Variants in FBN2 observed in about 807,000 individuals in gnomAD.
The protein encoded by FBN2 is fibrillin 2, also known as fibrillin-2.
Under a neutral mutation model 355.6 loss-of-function variants are expected in FBN2, and 105 were observed. The observed-to-expected ratio is 0.30, with a 90% CI of 0.25 to 0.35. The LOEUF is 0.35. Ranked by LOEUF, FBN2 falls within the 10% of genes least tolerant of loss-of-function variation. The pLI, the probability that FBN2 is intolerant of heterozygous loss-of-function variation, is 1.00. For missense variants in FBN2, 3,280 were observed against 3,758.7 expected (o/e 0.87, Z 3.33); for synonymous variants, 1,350 against 1,301.2 (o/e 1.04, Z -0.81).
Position 128,309,357 on chromosome 5 carries a change from G to A in FBN2, c.5243C>T (p.Thr1748Ile), listed in dbSNP as rs746036536. Reference sequence around the variant, plus strand: ...ATTGAAAGGCAACTCATTCTCACAAGTGGTTCCATTATAGCTTCGGTAGCA... The same window carrying A: ...ATTGAAAGGCAACTCATTCTCACAAATGGTTCCATTATAGCTTCGGTAGCA... Reference protein sequence around the residue: ...SFCYRSYNGTTCENELPFNVT... With the variant: ...SFCYRSYNGTICENELPFNVT... Residue 1748 changes from threonine (T) to isoleucine (I), a missense_variant, in exon 41 of 65, where the codon ACT becomes ATT. Around this residue, in one of 6 missense-constraint regions of FBN2, gnomAD observed 2,284 missense variants for 2,749.5 expected, o/e 0.83. Transcript: ENST00000262464. 3 of 1,613,984 alleles carry A rather than the reference G, an allele frequency of 1.9e-6. No homozygotes were observed. Among genetic ancestry groups the A allele is most frequent in the Non-Finnish European group, 8.5e-7 (1 of 1,179,886 alleles).
At chr5:128,525,844 A>G (rs985493652) in intron 4 of FBN2, among the ~76,000 whole-genome samples, 1 of 152,184 alleles carries the variant, frequency 6.6e-6, no homozygotes, top group African/African-American at 2.4e-5. Flanking sequence ...GTCACAAGTG[A>G]AAATTGTGTG....
chr5:128,529,670 C>T (rs574192745), intron 3 of FBN2, among the ~76,000 whole-genome samples: 27 of 152,262 alleles, frequency 1.8e-4, no homozygotes, highest in African/African-American at 6.3e-4. Context: ...AAACTAGGAA[C>T]AGGATAATGA....
chr5:128,335,881 T>C, intron 28 of FBN2, 107 bp downstream of exon 28: 2 of 1,228,964 alleles, frequency 1.6e-6, no homozygotes, highest in Non-Finnish European at 2.3e-6. Context: ...CTTACATTCA[T>C]TTTTGGGACA....
At chr5:128,388,795 A>C (rs1378654508) in intron 11 of FBN2, among the ~76,000 whole-genome samples, 1 of 152,010 alleles carries the variant, frequency 6.6e-6, no homozygotes, top group East Asian at 1.9e-4. Flanking sequence ...AACCTTGGAG[A>C]ATCTGATGAT....
At chr5:128,385,255 T>C (rs1287296447) in intron 11 of FBN2, among the ~76,000 whole-genome samples, 1 of 152,146 alleles carries the variant, frequency 6.6e-6, no homozygotes, top group Non-Finnish European at 1.5e-5. Context: ...TGTTCCCTTG[T>C]GTTCACATGT....
In FBN2 at chr5:128,453,999, C is replaced by G. The variant is rs3805660; in HGVS notation, c.827-7393G>C. 2.8e-3 allele frequency among the ~76,000 whole-genome samples: 418 copies of G among 151,476 alleles called. 3 individuals are homozygous for G. The highest frequency in any genetic ancestry group is 9.2e-3 in the African/African-American group (380 of 41,388). ...TACTCAGAAATGGCTTGCCCCCCCCCCAAGTTTCTCCTTCCATTACCCTCT... is the reference window on the plus strand; with the variant it reads ...TACTCAGAAATGGCTTGCCCCCCCCGCAAGTTTCTCCTTCCATTACCCTCT... On this transcript the variant is annotated intron_variant, in intron 6 of 64. Coordinates refer to ENST00000262464, the MANE Select transcript of FBN2 (RefSeq NM_001999.4).
intron 5 of FBN2, among the ~76,000 whole-genome samples, chr5:128,491,498 T>C (rs1755503787): frequency 6.6e-6 from 1 of 152,174 alleles, no homozygotes; most frequent in South Asian, 2.1e-4. Flanking sequence ...ACACAGGAAG[T>C]GGAGCAACAG....
Position 128,274,629 on chromosome 5 carries a change from G to A in FBN2, c.7649C>T (p.Thr2550Ile). 1 of 1,613,518 alleles carries A rather than the reference G, an allele frequency of 6.2e-7. No homozygotes were observed. Among genetic ancestry groups the A allele is most frequent in the Admixed American group, 1.7e-5 (1 of 60,010 alleles). ...ACATTTACAGGTAAACCCCCCCAGG[G>A]TGTTGACACAGAGGAACTGGCAGTT... is the stretch of plus-strand genomic sequence containing the variant. ...QHNCQFLCVNTLGGFTCKCPP... is the reference protein window; with the variant it reads ...QHNCQFLCVNILGGFTCKCPP... Residue 2550 changes from threonine (T) to isoleucine (I), a missense_variant, in exon 60 of 65, where the codon ACC (threonine) becomes ATC (isoleucine). Thr to Ile is a moderately conservative substitution (Grantham distance 89). This residue lies in a region of FBN2 where 2,284 missense variants were observed against 2,749.5 expected (regional missense o/e 0.83). Transcript: ENST00000262464.
At chr5:128,291,123 T>C (rs897141940) in intron 49 of FBN2, among the ~76,000 whole-genome samples, 2 of 152,200 alleles carry the variant, frequency 1.3e-5, no homozygotes, top group Admixed American at 6.5e-5. Flanking sequence ...TCATGCTCAG[T>C]ATCAAAGTGA....
rs1756678272 is a variant in FBN2, at chr5:128,530,697, T to C, written c.338-4A>G. On this transcript the variant is annotated splice_region_variant and splice_polypyrimidine_tract_variant and intron_variant, in intron 2 of 64. Transcript: ENST00000262464. ...CCACAACTATTTCTACAAATCGCTGTAGAAAGCACAATAGGAAAATGAATG... is the reference window on the plus strand; with the variant it reads ...CCACAACTATTTCTACAAATCGCTGCAGAAAGCACAATAGGAAAATGAATG... The C allele has an allele frequency of 6.3e-7, 1 of 1,578,104 alleles. No homozygotes were observed. The highest frequency in any genetic ancestry group is 8.7e-7 in the Non-Finnish European group (1 of 1,147,550).
At chr5:128,528,306 T>C (rs1561499837) in intron 3 of FBN2, among the ~76,000 whole-genome samples, 1 of 152,168 alleles carries the variant, frequency 6.6e-6, no homozygotes, top group Non-Finnish European at 1.5e-5. Context: ...TCCAGCTCAG[T>C]GCAGTACTGT....
chr5:128,533,014 T>C (rs1423265191), intron 2 of FBN2, among the ~76,000 whole-genome samples: 1 of 152,218 alleles, frequency 6.6e-6, no homozygotes, highest in Non-Finnish European at 1.5e-5. Flanking sequence ...CATTCCAGTC[T>C]GGATGACAGC....
chr5:128,322,643 T>C (rs1340238621), intron 34 of FBN2, among the ~76,000 whole-genome samples: 1 of 152,230 alleles, frequency 6.6e-6, no homozygotes, highest in South Asian at 2.1e-4. Flanking sequence ...CATTGGTCTG[T>C]ATCTCTGTTT....
chr5:128,336,932 G>A (rs1343147616), intron 27 of FBN2, among the ~76,000 whole-genome samples: 1 of 152,058 alleles, frequency 6.6e-6, no homozygotes, highest in Non-Finnish European at 1.5e-5. Flanking sequence ...AGATTATATG[G>A]CATGGGTTTA....
chr5:128,334,397 G>A (rs565166232), intron 31 of FBN2, among the ~76,000 whole-genome samples: 45 of 152,048 alleles, frequency 3.0e-4, no homozygotes, highest in African/African-American at 9.9e-4. Flanking sequence ...TCTTCCAAGC[G>A]GGCAGCAGTC....
At chr5:128,297,204 A>T (rs577760970) in intron 48 of FBN2, among the ~76,000 whole-genome samples, 1 of 152,074 alleles carries the variant, frequency 6.6e-6, no homozygotes, top group Non-Finnish European at 1.5e-5. Flanking sequence ...TCTGAGAGAT[A>T]GTTTGTTATA....
At chr5:128,449,517 G>GT (rs1425967573) in intron 6 of FBN2, among the ~76,000 whole-genome samples, 3 of 148,866 alleles carry the variant, frequency 2.0e-5, no homozygotes, top group African/African-American at 7.4e-5. Flanking sequence ...ATAGAATGTA[G>GT]TAAGTTAAAT....
chr5:128,313,961 A>T (rs1263237415), intron 36 of FBN2, among the ~76,000 whole-genome samples: 1 of 150,866 alleles, frequency 6.6e-6, no homozygotes, highest in Non-Finnish European at 1.5e-5. Flanking sequence ...TCCAGCCACC[A>T]TCATTATCCC....
chr5:128,353,726 C>T (rs186886394), intron 20 of FBN2, among the ~76,000 whole-genome samples: 2 of 152,126 alleles, frequency 1.3e-5, no homozygotes, highest in African/African-American at 4.8e-5. Context: ...TTAAAACAAC[C>T]CTGTGAATTA....
Sources: gnomAD v4.1 joint callset for allele counts (sites outside exome capture counted in the v4.1 genomes callset) on GRCh38, gnomAD v4.1.1 for gene constraint, gnomAD v4.1.1 regional missense constraint, MANE v1.5 for transcripts, NCBI Gene and HGNC (gene_info 2026-07-23, HGNC 2026-07-21) for gene names.